Variants in RGL1 observed in about 807,000 individuals in gnomAD.
RGL1 encodes the protein ral guanine nucleotide dissociation stimulator-like 1.
Under a neutral mutation model 95.2 loss-of-function variants are expected in RGL1, and 24 were observed. The ratio of observed to expected loss-of-function variants is 0.25; its 90% CI spans 0.18 to 0.35. RGL1 has a LOEUF of 0.35. RGL1 is among the 10% of genes least tolerant of loss of function. The probability of loss-of-function intolerance (pLI) is 1.00; values close to 1 mark genes in which losing one functional copy is unlikely to be tolerated. For synonymous variants in RGL1, 329 were observed against 344.9 expected (o/e 0.95, Z 0.51); for missense variants, 715 against 936.3 (o/e 0.76, Z 3.08).
chr1:183,775,317 A>G (rs528093832), intron 2 of RGL1, among the ~76,000 whole-genome samples: 15 of 152,360 alleles, frequency 9.8e-5, no homozygotes, highest in African/African-American at 3.4e-4. Context: ...TATGGTGTAT[A>G]TCACCACTTA....
chr1:183,904,917 A>G lies in RGL1; in HGVS notation c.1418A>G (p.Asp473Gly), dbSNP rs1269164504. The G allele has an allele frequency of 6.2e-7, 1 of 1,613,926 alleles. No homozygotes were observed. Among genetic ancestry groups the G allele is most frequent in the Admixed American group, 1.7e-5 (1 of 59,988 alleles). Residue 473 changes from aspartate to glycine, a missense_variant, in exon 13 of 18, where the codon GAC (aspartate) becomes GGC (glycine). Coordinates refer to ENST00000360851, the MANE Select transcript of RGL1 (RefSeq NM_001297671.3). ...TGCAACAGCTATTGCATGACCCCAG[A>G]CCAAAAGTTCATCCAGTGGTTCCAG... ...SACNSYCMTPDQKFIQWFQRQ... is the reference protein window; with the variant it reads ...SACNSYCMTPGQKFIQWFQRQ...
rs1312399127 is a variant in RGL1 at position 183,906,892 on chromosome 1, T to C, written c.1473-120T>C. 7.3e-6 allele frequency: 5 copies of C among 681,038 alleles called. No homozygotes were observed. In the African/African-American group the frequency reaches 8.9e-5, roughly 12 times the overall value. 42.2% of individuals were successfully genotyped at this position (681,038 alleles called of 1,614,324 possible). ...CGTTTATGATAGGACAACGTTTGTA[T>C]ATATCTTTACTTTGAACAATTAGAG... On this transcript the variant is annotated intron_variant, in intron 13 of 17. Transcript: ENST00000360851.
At chr1:183,816,098 C>T (rs766937081) in intron 2 of RGL1, among the ~76,000 whole-genome samples, 41 of 152,180 alleles carry the variant, frequency 2.7e-4, no homozygotes, top group Non-Finnish European at 5.4e-4. Context: ...TGTATTTTAT[C>T]TCTCTGGCTC....
rs143322455 is a variant in RGL1 at position 183,703,643 on chromosome 1, C to A, written c.-32-38483C>A. Among the ~76,000 whole-genome samples the A allele has an allele frequency of 6.2e-4, 94 of 152,296 alleles. No homozygotes were observed. In the East Asian group the frequency reaches 0.01, roughly 17 times the overall value. ...TGGAGATATTAAACTTACCACAAAC[C>A]TCACCTTCTGAAGTTGTTTGGAACT... On this transcript the variant is annotated intron_variant, in intron 1 of 18. Coordinates refer to the RGL1 transcript ENST00000304685.
chr1:183,723,049 T>TG (rs35918894), intron 1 of RGL1, among the ~76,000 whole-genome samples: 9 of 151,976 alleles, frequency 5.9e-5, no homozygotes, highest in Non-Finnish European at 1.2e-4. Flanking sequence ...CAAAGGGCAT[T>TG]GGGGGGGAAA....
At chr1:183,797,783 A>T (rs1016114463) in intron 2 of RGL1, among the ~76,000 whole-genome samples, 21 of 152,374 alleles carry the variant, frequency 1.4e-4, no homozygotes, top group Admixed American at 1.2e-3. Context: ...ACCATAGCAG[A>T]ATGCCCAACT....
Position 183,884,841 on chromosome 1 carries a change from C to A in RGL1, c.854C>A (p.Thr285Asn), listed in dbSNP as rs1558270879. The change falls in exon 7 of 18, where the codon ACC becomes AAC. Residue 285 changes from threonine to asparagine, a missense_variant. This residue lies in a region of RGL1 where 381 missense variants were observed against 484.8 expected (regional missense o/e 0.79). Transcript: ENST00000360851. ...TIRATISQFN[T>N]LTKCVVSTIL... ...CGTGCCACCATCTCTCAGTTTAATA[C>A]CCTCACCAAATGTGTTGTCAGCACC... 6 of 1,614,136 alleles carry A rather than the reference C, an allele frequency of 3.7e-6. No individual in the cohort carries two copies. The highest frequency in any genetic ancestry group is 4.2e-6 in the Non-Finnish European group (5 of 1,179,992).
At chr1:183,651,860 T>C (rs1185986192) in intron 1 of RGL1, among the ~76,000 whole-genome samples, 2 of 152,208 alleles carry the variant, frequency 1.3e-5, no homozygotes, top group African/African-American at 4.8e-5. Context: ...GAGCATTGTT[T>C]CCTCTCTGGA....
chr1:183,853,331 A>AG (rs1351438521), intron 3 of RGL1, among the ~76,000 whole-genome samples: 1 of 152,134 alleles, frequency 6.6e-6, no homozygotes, highest in Non-Finnish European at 1.5e-5. Context: ...CCTGTCTAAA[A>AG]GAAAAAAAAA....
At chr1:183,832,538 T>G (rs1362123468) in intron 2 of RGL1, among the ~76,000 whole-genome samples, 1 of 152,140 alleles carries the variant, frequency 6.6e-6, no homozygotes, top group Non-Finnish European at 1.5e-5. Flanking sequence ...AAGAAGGTTG[T>G]GGTTAGAAAT....
intron 1 of RGL1, among the ~76,000 whole-genome samples, chr1:183,728,751 A>G (rs1160067501): frequency 6.6e-6 from 1 of 152,224 alleles, no homozygotes; most frequent in Non-Finnish European, 1.5e-5. Context: ...GTAAAGATAC[A>G]GCAATCAAGT....
chr1:183,897,020 A>G (rs973641694), intron 9 of RGL1, among the ~76,000 whole-genome samples: 1 of 152,228 alleles, frequency 6.6e-6, no homozygotes, highest in Non-Finnish European at 1.5e-5. Flanking sequence ...AAGAAATGCT[A>G]CAGAAGTAGT....
chr1:183,883,510 T>G (rs1410540788), intron 5 of RGL1, among the ~76,000 whole-genome samples: 4 of 152,194 alleles, frequency 2.6e-5, no homozygotes, highest in Non-Finnish European at 5.9e-5. Context: ...GGGCTCTCTC[T>G]AGACTTTGCC....
chr1:183,709,303 G>A (rs1032346707), intron 1 of RGL1: 10 of 152,414 alleles, frequency 6.6e-5, no homozygotes, highest in African/African-American at 2.4e-4. Context: ...CTCAGGGAAA[G>A]TCTTTCAAGA....
chr1:183,792,170 T>G (rs560542215), intron 2 of RGL1, among the ~76,000 whole-genome samples: 13 of 148,224 alleles, frequency 8.8e-5, no homozygotes, highest in East Asian at 3.9e-4. Flanking sequence ...TTTTGTGGGG[T>G]TTTTTTTTTG....
chr1:183,901,234 G>A (rs1667999929), intron 11 of RGL1, among the ~76,000 whole-genome samples: 1 of 152,138 alleles, frequency 6.6e-6, no homozygotes, highest in Admixed American at 6.5e-5. Context: ...GAGAGGCGGA[G>A]GTTGCAGTGA....
chr1:183,680,826 CA>C (rs1313088923), intron 1 of RGL1, among the ~76,000 whole-genome samples: 5 of 152,088 alleles, frequency 3.3e-5, no homozygotes, highest in Non-Finnish European at 7.4e-5. Flanking sequence ...AATGTTTTTC[CA>C]TTTGTTTGTG....
chr1:183,678,157 A>C (rs950520061), intron 1 of RGL1, among the ~76,000 whole-genome samples: 1 of 152,150 alleles, frequency 6.6e-6, no homozygotes, highest in Non-Finnish European at 1.5e-5. Context: ...AACATCTATA[A>C]TGTCTATTTG....
intron 4 of RGL1, among the ~76,000 whole-genome samples, chr1:183,876,669 T>C (rs939551996): frequency 5.9e-5 from 9 of 152,252 alleles, no homozygotes; most frequent in African/African-American, 2.2e-4. Context: ...TTTGATGTCT[T>C]TGATTTGTCC....
Sources: allele counts gnomAD v4.1 joint callset (sites outside exome capture counted in the v4.1 genomes callset), GRCh38; gene constraint gnomAD v4.1.1; regional missense constraint gnomAD v4.1.1; transcripts MANE v1.5; gene names NCBI Gene and HGNC (gene_info 2026-07-23, HGNC 2026-07-21).